The following CSMD1 variants were observed in gnomAD, a reference collection of about 807,000 sequenced individuals.
The protein encoded by CSMD1 is CUB and sushi domain-containing protein 1.
CSMD1 carries 213 observed loss-of-function variants against 417.5 expected under a neutral mutation model. The ratio of observed to expected loss-of-function variants is 0.51; its 90% CI spans 0.46 to 0.57. CSMD1 has a LOEUF of 0.57. Ranked by LOEUF, CSMD1 falls within the 20% of genes least tolerant of loss-of-function variation. The pLI is 0.00. For missense variants in CSMD1, 6,923 were observed against 4,529.7 expected, an observed-to-expected ratio of 1.53 and a Z score of -15.17; for synonymous variants, 2,862 against 1,736.8, an observed-to-expected ratio of 1.65 and a Z score of -16.11.
rs2954206 is a variant in CSMD1, at chr8:3,834,611, A to G, written c.819-80569T>C. Among the ~76,000 whole-genome samples the G allele has an allele frequency of 5.4e-3, 823 of 152,328 alleles. 2 individuals carry two copies. Among genetic ancestry groups the G allele is most frequent in the Non-Finnish European group, 8.9e-3 (608 of 68,030 alleles). Reference sequence around the variant, plus strand: ...TAAATGTAACAAATGTGAAGGTAATACGTTTCAGAGAGTTCTTTGAGTCTT... The same window carrying G: ...TAAATGTAACAAATGTGAAGGTAATGCGTTTCAGAGAGTTCTTTGAGTCTT... On this transcript the variant is annotated intron_variant, in intron 5 of 69. Coordinates refer to ENST00000635120, the MANE Select transcript of CSMD1 (RefSeq NM_033225.6).
chr8:4,825,861 C>A (rs1052998719), intron 1 of CSMD1, among the ~76,000 whole-genome samples: 1 of 151,068 alleles, frequency 6.6e-6, no homozygotes, highest in Non-Finnish European at 1.5e-5. Context: ...TGAAGAGATA[C>A]AATTGTCCAA....
At chr8:3,292,961 G>A (rs1345008215) in intron 25 of CSMD1, among the ~76,000 whole-genome samples, 1 of 152,056 alleles carries the variant, frequency 6.6e-6, no homozygotes, top group African/African-American at 2.4e-5. Flanking sequence ...GCAGTGGCTG[G>A]TACCGGTTGT....
At chr8:4,003,606 G>A (rs1050132170) in intron 4 of CSMD1, among the ~76,000 whole-genome samples, 1 of 152,022 alleles carries the variant, frequency 6.6e-6, no homozygotes, top group Non-Finnish European at 1.5e-5. Flanking sequence ...ACACTGAAAT[G>A]CCTTCTAATA....
At chr8:3,828,808 C>T (rs538921769) in intron 5 of CSMD1, among the ~76,000 whole-genome samples, 1 of 152,224 alleles carries the variant, frequency 6.6e-6, no homozygotes, top group South Asian at 2.1e-4. Flanking sequence ...CCTCAAGTTA[C>T]AGCCTCATGC....
At chr8:4,470,951 G>A (rs894257501) in intron 2 of CSMD1, among the ~76,000 whole-genome samples, 4 of 152,134 alleles carry the variant, frequency 2.6e-5, no homozygotes, top group Non-Finnish European at 5.9e-5. Context: ...TTTCCCTCAA[G>A]TGACATGTCA....
chr8:3,238,939 A>T (rs934598560), intron 26 of CSMD1, among the ~76,000 whole-genome samples: 13 of 152,146 alleles, frequency 8.5e-5, no homozygotes, highest in African/African-American at 3.1e-4. Flanking sequence ...GGTGAATAGG[A>T]GTATGACTAG....
intron 12 of CSMD1, among the ~76,000 whole-genome samples, chr8:3,414,448 G>C (rs1813004255): frequency 6.6e-6 from 1 of 152,046 alleles, no homozygotes; most frequent in Admixed American, 6.5e-5. Context: ...GCCATGTTGT[G>C]CCTCAGTTCA....
Position 3,010,633 on chromosome 8 carries a change from G to C in CSMD1, c.8029+7844C>G, listed in dbSNP as rs957352267. ...CTTGCTGGAATTCCACCCAGAATCA[G>C]CACGGCTTCCCCCACATCTACTCTT... On this transcript the variant is annotated intron_variant, in intron 52 of 69. Transcript: ENST00000635120. Among the ~76,000 whole-genome samples the C allele has an allele frequency of 7.9e-5, 12 of 152,130 alleles. No homozygotes were observed. The South Asian group carries it at 1.9e-3, about 24-fold the overall frequency.
chr8:4,032,812 A>G (rs1797416541), intron 3 of CSMD1, among the ~76,000 whole-genome samples: 1 of 152,222 alleles, frequency 6.6e-6, no homozygotes, highest in South Asian at 2.1e-4. Flanking sequence ...AAAGGCCGTC[A>G]ACCATCTGAA....
At chr8:4,013,841 T>C (rs188411305) in intron 4 of CSMD1, among the ~76,000 whole-genome samples, 5 of 152,270 alleles carry the variant, frequency 3.3e-5, no homozygotes, top group Admixed American at 6.5e-5. Context: ...TCTTTTGATC[T>C]ACAGTGACAG....
At chr8:3,899,653 A>G (rs1047364002) in intron 5 of CSMD1, among the ~76,000 whole-genome samples, 1 of 152,224 alleles carries the variant, frequency 6.6e-6, no homozygotes, top group East Asian at 1.9e-4. Flanking sequence ...CTGAGAAACT[A>G]GACAAGAAGG....
At chr8:4,123,195 G>C (rs1443286436) in intron 3 of CSMD1, among the ~76,000 whole-genome samples, 2 of 152,220 alleles carry the variant, frequency 1.3e-5, no homozygotes, top group Admixed American at 6.5e-5. Flanking sequence ...CATGATGGAA[G>C]GGTTAGGAAT....
chr8:4,175,801 T>A (rs1798006657), intron 3 of CSMD1, among the ~76,000 whole-genome samples: 1 of 152,166 alleles, frequency 6.6e-6, no homozygotes, highest in South Asian at 2.1e-4. Flanking sequence ...ATCATGGCAA[T>A]ACAACAGCAT....
At chr8:4,984,283 C>T (rs77716667) in intron 1 of CSMD1, among the ~76,000 whole-genome samples, 2,606 of 152,270 alleles carry the variant, frequency 0.017, 66 homozygotes, top group African/African-American at 0.059. Flanking sequence ...GATGTTCAAA[C>T]AAACATATGA....
chr8:3,493,311 AAG>A lies in CSMD1; in HGVS notation c.1448+310_1448+311del, dbSNP rs1491089375. Among the ~76,000 whole-genome samples, 468 of 146,634 alleles carry A rather than the reference AAG, an allele frequency of 3.2e-3. 1 individual carries two copies. The highest frequency in any genetic ancestry group is 9.8e-3 in the African/African-American group (385 of 39,124). On this transcript the variant is annotated intron_variant, in intron 11 of 69. Coordinates refer to ENST00000635120, the MANE Select transcript of CSMD1 (RefSeq NM_033225.6). The stretch of plus-strand genomic sequence containing the variant: ...CCTGTCTCAAAAAAAAAAAAAAAAA[AAG>A]GGGGGGCGGAGGGGTTGATTTGAAA...
chr8:3,263,938 A>G (rs1801260640), intron 26 of CSMD1, among the ~76,000 whole-genome samples: 1 of 152,238 alleles, frequency 6.6e-6, no homozygotes. Flanking sequence ...TAACGCTAAC[A>G]TTTAAACTTT....
intron 1 of CSMD1, among the ~76,000 whole-genome samples, chr8:4,906,369 T>C (rs1373255269): frequency 6.6e-6 from 1 of 152,202 alleles, no homozygotes; most frequent in Non-Finnish European, 1.5e-5. Context: ...ACTTATGTTA[T>C]TGTGGGTAGA....
intron 2 of CSMD1, among the ~76,000 whole-genome samples, chr8:4,489,241 T>A (rs190674361): frequency 6.6e-6 from 1 of 152,270 alleles, no homozygotes; most frequent in Admixed American, 6.5e-5. Flanking sequence ...ATTTTCTACT[T>A]AAGGTGCCCT....
intron 10 of CSMD1, among the ~76,000 whole-genome samples, chr8:3,571,479 G>C (rs979607833): frequency 6.6e-6 from 1 of 152,166 alleles, no homozygotes; most frequent in Non-Finnish European, 1.5e-5. Flanking sequence ...GGACAGCAGA[G>C]ATTTACCAAG....
Sources: allele counts gnomAD v4.1 joint callset (sites outside exome capture counted in the v4.1 genomes callset), GRCh38; gene constraint gnomAD v4.1.1; transcripts MANE v1.5; gene names NCBI Gene and HGNC (gene_info 2026-07-23, HGNC 2026-07-21).